Variants in SPMIP10 observed in about 807,000 individuals in gnomAD.
SPMIP10 encodes the protein sperm-associated microtubule inner protein 10.
chr5:126,632,709 C>A, the SPMIP10 span: 2 of 1,045,538 alleles, frequency 1.9e-6, no homozygotes, highest in Non-Finnish European at 2.9e-6. Flanking sequence ...AACATTAAGC[C>A]GGATGCGGTG....
the SPMIP10 span, among the ~76,000 whole-genome samples, chr5:126,633,865 A>G: frequency 7.1e-6 from 1 of 140,454 alleles, no homozygotes; most frequent in South Asian, 2.1e-4. Flanking sequence ...GATCTCTACT[A>G]TGTGGTCCAG....
At chr5:126,633,276 TAGAG>T in the SPMIP10 span, among the ~76,000 whole-genome samples, 2 of 152,244 alleles carry the variant, frequency 1.3e-5, no homozygotes, top group South Asian at 2.1e-4. Context: ...CATATTCAGA[TAGAG>T]AGGCATGGGA....
the SPMIP10 span, chr5:126,635,950 T>C: frequency 2.5e-6 from 3 of 1,199,146 alleles, no homozygotes; most frequent in Non-Finnish European, 2.4e-6. Flanking sequence ...GCATGAGCCA[T>C]GGCTCCTGAT....
chr5:126,632,258 TAAAAAA>T, the SPMIP10 span, among the ~76,000 whole-genome samples: 90 of 57,184 alleles, frequency 1.6e-3, 1 homozygote, highest in East Asian at 5.8e-3. Flanking sequence ...TCCATCTCAT[TAAAAAA>T]AAAAAAAAAA....
the SPMIP10 span, among the ~76,000 whole-genome samples, chr5:126,634,863 C>A: frequency 6.6e-6 from 1 of 152,018 alleles, no homozygotes; most frequent in African/African-American, 2.4e-5. Flanking sequence ...AAAACTGCAT[C>A]TAACAACATT....
the SPMIP10 span, chr5:126,632,576 A>G: frequency 3.1e-6 from 5 of 1,611,364 alleles, no homozygotes; most frequent in South Asian, 1.1e-5. Flanking sequence ...CACGATTTTC[A>G]TTAAAGCAAG....
the SPMIP10 span, chr5:126,636,206 G>A: frequency 5.0e-6 from 8 of 1,614,036 alleles, no homozygotes; most frequent in Non-Finnish European, 6.8e-6. Flanking sequence ...CCAAAGCACT[G>A]TGATTTCCCA....
chr5:126,635,567 T>C, the SPMIP10 span, among the ~76,000 whole-genome samples: 1 of 152,200 alleles, frequency 6.6e-6, no homozygotes, highest in African/African-American at 2.4e-5. Flanking sequence ...TGACTCTTTC[T>C]GGTAGTCAGA....
chr5:126,632,420 C>A, the SPMIP10 span: 2 of 611,940 alleles, frequency 3.3e-6, no homozygotes, highest in Admixed American at 5.3e-5. Flanking sequence ...GTTTCAATGG[C>A]ACAGCCGTCT....
chr5:126,632,114 A>T, the SPMIP10 span, among the ~76,000 whole-genome samples: 4 of 151,682 alleles, frequency 2.6e-5, no homozygotes, highest in African/African-American at 9.7e-5. Context: ...TCAAGTTAAA[A>T]TGGGCAGGGT....
the SPMIP10 span, chr5:126,636,236 GTC>G: frequency 4.3e-6 from 7 of 1,611,636 alleles, no homozygotes; most frequent in Non-Finnish European, 5.9e-6. Flanking sequence ...GAGGCGACTA[GTC>G]TAATGAAAGA....
At chr5:126,634,984 G>C in the SPMIP10 span, among the ~76,000 whole-genome samples, 2 of 151,796 alleles carry the variant, frequency 1.3e-5, no homozygotes, top group African/African-American at 2.4e-5. Context: ...ACCAGCCAGA[G>C]CAACATAGCG....
At chr5:126,635,171 A>AATATATATATATAT in the SPMIP10 span, among the ~76,000 whole-genome samples, 226 of 140,186 alleles carry the variant, frequency 1.6e-3, 1 homozygote, top group East Asian at 8.7e-3. Context: ...CCGTCTGTGA[A>AATATATATATATAT]ATATATATAT....
the SPMIP10 span, chr5:126,636,144 C>T: frequency 2.7e-5 from 44 of 1,613,950 alleles, no homozygotes; most frequent in Non-Finnish European, 3.7e-5. Context: ...CAAAAAGGCC[C>T]ACCAGAAATA....
the SPMIP10 span, chr5:126,631,725 G>A: frequency 4.0e-5 from 63 of 1,571,378 alleles, no homozygotes; most frequent in Non-Finnish European, 6.1e-6. Context: ...TCCATCCATT[G>A]CTGTCAGGAA....
At chr5:126,635,409 T>G in the SPMIP10 span, among the ~76,000 whole-genome samples, 1 of 152,176 alleles carries the variant, frequency 6.6e-6, no homozygotes, top group Non-Finnish European at 1.5e-5. Context: ...ATATATTTTA[T>G]CTGCTACTCA....
At chr5:126,633,354 T>C in the SPMIP10 span, among the ~76,000 whole-genome samples, 15 of 152,208 alleles carry the variant, frequency 9.9e-5, no homozygotes, top group African/African-American at 2.9e-4. Context: ...GCAGTTTTAT[T>C]TATTTATTCC....
the SPMIP10 span, among the ~76,000 whole-genome samples, chr5:126,633,837 T>C: frequency 6.6e-6 from 1 of 150,838 alleles, no homozygotes; most frequent in Non-Finnish European, 1.5e-5. Context: ...AGAGTTTTGG[T>C]ATTTTTTGTA....
the SPMIP10 span, chr5:126,631,807 A>C: frequency 6.2e-7 from 1 of 1,605,874 alleles, no homozygotes; most frequent in Non-Finnish European, 8.5e-7. Context: ...GAGTCTCTAT[A>C]AATCTGCTAA....
Sources: gnomAD v4.1 joint callset for allele counts (sites outside exome capture counted in the v4.1 genomes callset) on GRCh38, gnomAD v4.1.1 for gene constraint, MANE v1.5 for transcripts, NCBI Gene and HGNC (gene_info 2026-07-23, HGNC 2026-07-21) for gene names.